Variants in NSUN7 observed in about 807,000 individuals in gnomAD.
NSUN7 encodes protein NSUN7.
Under a neutral mutation model 58.5 loss-of-function variants are expected in NSUN7, and 39 were observed. The ratio of observed to expected loss-of-function variants is 0.67; its 90% CI spans 0.52 to 0.87. NSUN7 has a LOEUF of 0.87. Ranked by LOEUF, NSUN7 falls within the 40% of genes least tolerant of loss-of-function variation. The pLI is 0.00. For missense variants in NSUN7, 765 were observed against 844.1 expected, an observed-to-expected ratio of 0.91 and a Z score of 1.16; for synonymous variants, 278 against 303.7, an observed-to-expected ratio of 0.92 and a Z score of 0.88.
intron 2 of NSUN7, among the ~76,000 whole-genome samples, chr4:40,757,634 GTGTGTATATATATACAT>G (rs1186230013): frequency 5.0e-4 from 70 of 141,094 alleles, no homozygotes; most frequent in Non-Finnish European, 7.2e-4. Context: ...TATATACATT[GTGTGTATATATATACAT>G]TGTGTATATA....
rs1469712117 is a variant in NSUN7 at position 40,765,421 on chromosome 4, T to A, written c.488+4120T>A. Among the ~76,000 whole-genome samples the A allele has an allele frequency of 6.0e-5, 9 of 150,506 alleles. No homozygotes were observed. The South Asian group carries it at 1.9e-3, about 32-fold the overall frequency. On this transcript the variant is annotated intron_variant, in intron 4 of 11. Coordinates refer to ENST00000381782, the MANE Select transcript of NSUN7 (RefSeq NM_024677.6). ...TGTGGCGTTATTTCTGAGGGCTCTG[T>A]TCTGTTCCATTGATCTATATCTCTG...
chr4:40,755,542 G>T (rs574522458), intron 2 of NSUN7, among the ~76,000 whole-genome samples: 1 of 152,108 alleles, frequency 6.6e-6, no homozygotes, highest in African/African-American at 2.4e-5. Flanking sequence ...TATTTTTGTT[G>T]CTGAACTTCG....
At chr4:40,763,584 A>G (rs886099551) in intron 4 of NSUN7, among the ~76,000 whole-genome samples, 2 of 152,202 alleles carry the variant, frequency 1.3e-5, no homozygotes, top group African/African-American at 4.8e-5. Flanking sequence ...ACCAAGTAAG[A>G]AAGATTACAC....
chr4:40,788,731 C>T (rs1742947537), intron 7 of NSUN7, among the ~76,000 whole-genome samples: 1 of 152,126 alleles, frequency 6.6e-6, no homozygotes, highest in South Asian at 2.1e-4. Flanking sequence ...CTTTGGTAAC[C>T]GTGCCCTCTT....
intron 7 of NSUN7, among the ~76,000 whole-genome samples, chr4:40,788,568 G>A (rs1031145749): frequency 5.3e-5 from 8 of 152,186 alleles, no homozygotes; most frequent in Non-Finnish European, 1.0e-4. Flanking sequence ...CTGATTCTCC[G>A]TTTCTCCATT....
At chr4:40,752,951 T>TA (rs1288128392) in intron 2 of NSUN7, among the ~76,000 whole-genome samples, 1 of 152,178 alleles carries the variant, frequency 6.6e-6, no homozygotes, top group African/African-American at 2.4e-5. Flanking sequence ...CCCTCTCCCC[T>TA]AACCAAAGTG....
Position 40,809,726 on chromosome 4 carries a change from A to G in NSUN7, c.*787A>G, listed in dbSNP as rs967288732. 3.3e-5 allele frequency: 5 copies of G among 152,034 alleles called. No individual in the cohort carries two copies. The highest frequency in any genetic ancestry group is 1.2e-4 in the African/African-American group (5 of 41,414). The allele number at this position is 152,034 out of a possible 1,614,324, so 9.4% of individuals were successfully genotyped here. Reference sequence around the variant, plus strand: ...ATACCTATTGTTGAAGAAACCCACAAATTTCTGATTCTAAGATCAGGGGAT... The same window carrying G: ...ATACCTATTGTTGAAGAAACCCACAGATTTCTGATTCTAAGATCAGGGGAT... On this transcript the variant is annotated 3_prime_UTR_variant, in exon 12 of 12. Coordinates refer to ENST00000381782, the MANE Select transcript of NSUN7 (RefSeq NM_024677.6).
At chr4:40,778,056 GAT>G (rs1255989585) in intron 7 of NSUN7, among the ~76,000 whole-genome samples, 1 of 152,152 alleles carries the variant, frequency 6.6e-6, no homozygotes, top group African/African-American at 2.4e-5. Context: ...AAATAAATGA[GAT>G]ATGGATTTTA....
rs751777281 is a variant in NSUN7, at chr4:40,761,195, A to G, written c.382A>G (p.Ile128Val). The G allele has an allele frequency of 2.5e-6, 4 of 1,585,988 alleles. No individual in the cohort carries two copies. Among genetic ancestry groups the G allele is most frequent in the Admixed American group, 1.9e-5 (1 of 51,710 alleles). The part of the protein sequence containing the change: ...TIPDHLSSLI[I>V]VMLYDFQDRK... The stretch of plus-strand genomic sequence containing the variant: ...GCCAGATCATTTGAGCAGTCTTATT[A>G]TTGTGATGCTATATGATTTCCAAGA... The change falls in exon 4 of 12, where the codon ATT becomes GTT. Residue 128 changes from isoleucine to valine, a missense_variant. By Grantham distance (29) the Ile-to-Val change is conservative. Coordinates refer to ENST00000381782, the MANE Select transcript of NSUN7 (RefSeq NM_024677.6).
chr4:40,761,043 A>G, intron 3 of NSUN7, 128 bp from the exon 4 acceptor site: 3 of 713,584 alleles, frequency 4.2e-6, no homozygotes, highest in Non-Finnish European at 6.7e-6. Flanking sequence ...TCCCAATCCA[A>G]TCAGACTATG....
rs765066618 is a variant in NSUN7 at position 40,798,837 on chromosome 4, G to A, written c.1333G>A (p.Glu445Lys). The A allele has an allele frequency of 6.2e-7, 1 of 1,612,332 alleles. No homozygotes were observed. Among genetic ancestry groups the A allele is most frequent in the Non-Finnish European group, 8.5e-7 (1 of 1,179,152 alleles). ...CTGCACATGTTCAGTTTTTCCAGAA[G>A]AAAATGAAGCTGTTGTTAAGAAAGC... ...VYCTCSVFPE[E>K]NEAVVKKALE... The change falls in exon 10 of 12, where the codon GAA becomes AAA. Residue 445 changes from glutamate to lysine, a missense_variant. Physicochemically the swap from Glu to Lys is moderately conservative, Grantham distance 56. Transcript: ENST00000381782.
intron 4 of NSUN7, among the ~76,000 whole-genome samples, chr4:40,770,066 C>T (rs1214847762): frequency 6.6e-6 from 1 of 152,052 alleles, no homozygotes; most frequent in Non-Finnish European, 1.5e-5. Flanking sequence ...CAAAATTAGT[C>T]AGGCGTGGTG....
intron 8 of NSUN7, among the ~76,000 whole-genome samples, chr4:40,793,506 C>T (rs1046387772): frequency 1.3e-5 from 2 of 152,076 alleles, no homozygotes; most frequent in African/African-American, 4.8e-5. Flanking sequence ...AAATGTAAAA[C>T]TAAATTGGGA....
chr4:40,769,068 A>G (rs1741873204), intron 4 of NSUN7, among the ~76,000 whole-genome samples: 2 of 152,112 alleles, frequency 1.3e-5, no homozygotes, highest in South Asian at 4.1e-4. Flanking sequence ...CCTGCACTCA[A>G]TCTGTGTCTA....
intron 9 of NSUN7, among the ~76,000 whole-genome samples, chr4:40,797,433 G>A (rs1743368828): frequency 6.6e-6 from 1 of 152,076 alleles, no homozygotes; most frequent in East Asian, 1.9e-4. Context: ...GTCTAAGGTG[G>A]AAGCTCTGAT....
chr4:40,756,074 G>A (rs1741130296), intron 2 of NSUN7, among the ~76,000 whole-genome samples: 1 of 151,932 alleles, frequency 6.6e-6, no homozygotes. Context: ...ATACTGTGTG[G>A]TCTAGGACCC....
Position 40,750,949 on chromosome 4 carries a change from T to G in NSUN7, c.256T>G (p.Phe86Val). The stretch of plus-strand genomic sequence containing the variant: ...CTTGTCCGAGTCTGAGGATCAGTCC[T>G]TTCAGCGTTTGTCTTATGAGCTGGC... ...RSLSESEDQS[F>V]QRLSYELAFS... Residue 86 changes from phenylalanine to valine, a missense_variant, in exon 2 of 12, where the codon TTT becomes GTT. Coordinates refer to ENST00000381782, the MANE Select transcript of NSUN7 (RefSeq NM_024677.6). 1 of 1,614,206 alleles carries G rather than the reference T, an allele frequency of 6.2e-7. No homozygotes were observed. Among genetic ancestry groups the G allele is most frequent in the Non-Finnish European group, 8.5e-7 (1 of 1,180,034 alleles).
intron 7 of NSUN7, among the ~76,000 whole-genome samples, chr4:40,780,445 C>CA (rs1297626310): frequency 6.6e-6 from 1 of 151,392 alleles, no homozygotes; most frequent in Non-Finnish European, 1.5e-5. Context: ...CTATTTCTAT[C>CA]AAAAATACAA....
intron 7 of NSUN7, among the ~76,000 whole-genome samples, 188 bp from the exon 8 acceptor site, chr4:40,790,414 T>G (rs1191680275): frequency 1.3e-5 from 2 of 152,236 alleles, no homozygotes; most frequent in Non-Finnish European, 2.9e-5. Flanking sequence ...GAAAACATTC[T>G]ATTAATAGGA....
Sources: allele counts gnomAD v4.1 joint callset (sites outside exome capture counted in the v4.1 genomes callset), GRCh38; gene constraint gnomAD v4.1.1; transcripts MANE v1.5; gene names NCBI Gene and HGNC (gene_info 2026-07-23, HGNC 2026-07-21).